The following PEX14 variants were observed in gnomAD, a reference collection of about 807,000 sequenced individuals.
PEX14 encodes the protein peroxisomal biogenesis factor 14.
Under a neutral mutation model 49.5 loss-of-function variants are expected in PEX14, and 15 were observed. That is an observed-to-expected ratio of 0.30 (90% confidence interval 0.20 to 0.47). The LOEUF (loss-of-function observed/expected upper bound fraction) is 0.47, where lower values mean the gene tolerates loss of function less well. Among genes scored for constraint, PEX14 ranks in the 20% least tolerant of loss-of-function variants. The pLI, the probability that PEX14 is intolerant of heterozygous loss-of-function variation, is 1.00. For missense variants in PEX14, 398 were observed against 494.8 expected (o/e 0.80, Z 1.86); for synonymous variants, 210 against 212.7 (o/e 0.99, Z 0.11).
chr1:10,548,907 C>T (rs1278063240), intron 3 of PEX14, among the ~76,000 whole-genome samples: 1 of 152,180 alleles, frequency 6.6e-6, no homozygotes, highest in Non-Finnish European at 1.5e-5. Context: ...AGAACTCTCC[C>T]CTCTCATCAG....
At chr1:10,625,750 C>T (rs993173062) in intron 7 of PEX14, among the ~76,000 whole-genome samples, 4 of 152,212 alleles carry the variant, frequency 2.6e-5, no homozygotes, top group Non-Finnish European at 4.4e-5. Context: ...GAAGCCATTC[C>T]GGAAATTGGA....
chr1:10,505,857 T>C (rs144234101), intron 2 of PEX14, among the ~76,000 whole-genome samples: 1,763 of 152,168 alleles, frequency 0.012, 31 homozygotes, highest in African/African-American at 0.041. Flanking sequence ...ATCTTTGTAT[T>C]TTTAGTAAAG....
intron 6 of PEX14, 125 bp from the exon 7 acceptor site, chr1:10,624,215 C>A: frequency 1.3e-6 from 1 of 774,638 alleles, no homozygotes; most frequent in Non-Finnish European, 2.4e-6. Context: ...ATTGCGGGGG[C>A]TGGGGGTGTC....
intron 3 of PEX14, among the ~76,000 whole-genome samples, chr1:10,559,799 T>C (rs1476588497): frequency 1.3e-5 from 2 of 152,212 alleles, no homozygotes; most frequent in African/African-American, 4.8e-5. Context: ...GCTGCTGCCC[T>C]CACCCTGAGA....
chr1:10,560,718 C>CTTTTTTTTTTTTTTTTTTT (rs34964492), intron 3 of PEX14, among the ~76,000 whole-genome samples: 1 of 129,092 alleles, frequency 7.7e-6, no homozygotes. Flanking sequence ...ATTTTGCCAC[C>CTTTTTTTTTTTTTTTTTTT]TTTTTTTTTT....
At chr1:10,485,155 T>G (rs964493555) in intron 1 of PEX14, among the ~76,000 whole-genome samples, 2 of 151,690 alleles carry the variant, frequency 1.3e-5, no homozygotes, top group African/African-American at 2.4e-5. Flanking sequence ...CGAGGACATA[T>G]TCTTCATTTT....
At chr1:10,498,409 A>G (rs1023510392) in intron 2 of PEX14, among the ~76,000 whole-genome samples, 2 of 152,238 alleles carry the variant, frequency 1.3e-5, no homozygotes, top group African/African-American at 2.4e-5. Context: ...CAATATGTGC[A>G]TGATTGTTTT....
In PEX14 at chr1:10,623,807, C is replaced by T. The variant is rs1641664369; in HGVS notation, c.488-533C>T. Among the ~76,000 whole-genome samples, 1 of 152,202 alleles carries T rather than the reference C, an allele frequency of 6.6e-6. No individual in the cohort carries two copies. Among genetic ancestry groups the T allele is most frequent in the East Asian group, 1.9e-4 (1 of 5,196 alleles). On this transcript the variant is annotated intron_variant, in intron 6 of 8. Transcript: ENST00000356607. This position sits in a 1 kb window ranked among gnomAD's most constrained non-coding sequence, Gnocchi z 4.4. ...CTGCCGTTTGCTCCTGCGAGGCTGA[C>T]ATTGGTGGCAACAAGGTCCTGAGGG...
chr1:10,564,766 T>G (rs1377452831), intron 3 of PEX14, among the ~76,000 whole-genome samples: 2 of 152,032 alleles, frequency 1.3e-5, no homozygotes, highest in Admixed American at 6.6e-5. Context: ...TCTAGTAAAC[T>G]TCTCTGTTTT....
intron 2 of PEX14, among the ~76,000 whole-genome samples, chr1:10,517,556 G>A (rs1641992138): frequency 6.6e-6 from 1 of 152,082 alleles, no homozygotes; most frequent in African/African-American, 2.4e-5. Context: ...GAGAAGTACT[G>A]GTTGTGGGCA....
chr1:10,486,297 G>A (rs1419173592), intron 1 of PEX14, among the ~76,000 whole-genome samples: 1 of 150,994 alleles, frequency 6.6e-6, no homozygotes, highest in Admixed American at 6.6e-5. Context: ...TTAGCTATAG[G>A]TATTTTGTAA....
rs1176599365 is a variant in PEX14, at chr1:10,608,257, A to G, written c.298+8891A>G. Among the ~76,000 whole-genome samples, 4 of 152,212 alleles carry G rather than the reference A, an allele frequency of 2.6e-5. No homozygotes were observed. The East Asian group carries it at 7.7e-4, about 29-fold the overall frequency. ...ATCTATTCTTAGTTAATTTTCGTGA[A>G]TGGTGTGAGGTGAAGGTCAAGGTTC... On this transcript the variant is annotated intron_variant, in intron 4 of 8. Transcript: ENST00000356607.
chr1:10,618,746 G>C (rs1641506890), intron 5 of PEX14, among the ~76,000 whole-genome samples: 1 of 152,254 alleles, frequency 6.6e-6, no homozygotes, highest in Non-Finnish European at 1.5e-5. Flanking sequence ...CGTGCGAGCA[G>C]TTTTGAGACA....
chr1:10,569,814 A>C (rs1485647826), intron 3 of PEX14, among the ~76,000 whole-genome samples: 1 of 152,112 alleles, frequency 6.6e-6, no homozygotes, highest in Non-Finnish European at 1.5e-5. Context: ...GAAAAGTCTG[A>C]GGTCATTCTG....
chr1:10,526,732 G>A (rs1638495096), intron 2 of PEX14, among the ~76,000 whole-genome samples: 1 of 152,040 alleles, frequency 6.6e-6, no homozygotes, highest in Non-Finnish European at 1.5e-5. Context: ...GCTCCAGTGA[G>A]CATTTCCTTT....
At chr1:10,572,939 C>G (rs952135659) in intron 3 of PEX14, among the ~76,000 whole-genome samples, 4 of 152,164 alleles carry the variant, frequency 2.6e-5, no homozygotes, top group African/African-American at 9.7e-5. Context: ...CATACTTAGG[C>G]TATCAGGTAT....
chr1:10,621,990 C>T (rs936683828), intron 5 of PEX14, among the ~76,000 whole-genome samples: 16 of 152,160 alleles, frequency 1.1e-4, no homozygotes, highest in Non-Finnish European at 2.4e-4. Flanking sequence ...CTGCCTCTGG[C>T]AGTGCCCACT....
rs72869168 is a variant in PEX14 at position 10,515,182 on chromosome 1, A to T, written c.84+19861A>T. 7.3e-3 allele frequency among the ~76,000 whole-genome samples: 1,115 copies of T among 152,238 alleles called. 15 individuals are homozygous for T. Among genetic ancestry groups the T allele is most frequent in the African/African-American group, 0.025 (1,050 of 41,544 alleles). The stretch of plus-strand genomic sequence containing the variant: ...ATGAAATTACAAAAGAAAAAAGAGA[A>T]TGCACTTATTCAGACTCTTAATACA... On this transcript the variant is annotated intron_variant, in intron 2 of 8. Coordinates refer to ENST00000356607, the MANE Select transcript of PEX14 (RefSeq NM_004565.3).
chr1:10,508,041 C>T (rs1236268711), intron 2 of PEX14, among the ~76,000 whole-genome samples: 1 of 152,170 alleles, frequency 6.6e-6, no homozygotes, highest in East Asian at 1.9e-4. Context: ...TTGGGAATAC[C>T]ACTGTCATAT....
Sources: gnomAD v4.1 joint callset for allele counts (sites outside exome capture counted in the v4.1 genomes callset) on GRCh38, gnomAD v4.1.1 for gene constraint, Gnocchi (gnomAD v3.1) non-coding constraint, MANE v1.5 for transcripts, NCBI Gene and HGNC (gene_info 2026-07-23, HGNC 2026-07-21) for gene names.